The following RECQL variants were observed in gnomAD, a reference collection of about 807,000 sequenced individuals.
RECQL encodes the protein RecQ like helicase, also known as ATP-dependent DNA helicase Q1.
In RECQL, 73 loss-of-function variants were observed where a neutral mutation model predicts 75.8. The ratio of observed to expected loss-of-function variants is 0.96; its 90% CI spans 0.80 to 1.17. The LOEUF is 1.17. Ranked by LOEUF, RECQL falls within the 50% of genes most tolerant of loss-of-function variation. The pLI, the probability that RECQL is intolerant of heterozygous loss-of-function variation, is 0.00. For synonymous variants in RECQL, 248 were observed against 254.4 expected, an observed-to-expected ratio of 0.97 and a Z score of 0.24; for missense variants, 699 against 772.1, an observed-to-expected ratio of 0.91 and a Z score of 1.12.
intron 2 of RECQL, among the ~76,000 whole-genome samples, chr12:21,493,513 G>T (rs983734691): frequency 6.6e-6 from 1 of 152,090 alleles, no homozygotes; most frequent in Admixed American, 6.6e-5. Context: ...CAATATTTTG[G>T]AAAAATAGCT....
At chr12:21,486,331 G>A in intron 5 of RECQL, 148 bp downstream of exon 5, 1 of 922,974 alleles carries the variant, frequency 1.1e-6, no homozygotes, top group Non-Finnish European at 1.5e-6. Context: ...AAAATAGACA[G>A]TGGGCCAGAA....
At position 21,497,510 on chromosome 12, in the gene RECQL, C is replaced by T. The variant is rs141696722; in HGVS notation, c.16+2045G>A. Among the ~76,000 whole-genome samples the T allele has an allele frequency of 1.2e-4, 19 of 152,278 alleles. No individual in the cohort carries two copies. In the East Asian group the frequency reaches 3.7e-3, roughly 29 times the overall value. ...ATTTTGCCAGAGGAATACATCCACA[C>T]TATTATAAGCAATGGTTAATGATTG... On this transcript the variant is annotated intron_variant, in intron 2 of 14. Transcript: ENST00000444129.
At chr12:21,498,874 A>T (rs995501173) in intron 2 of RECQL, among the ~76,000 whole-genome samples, 5 of 152,258 alleles carry the variant, frequency 3.3e-5, no homozygotes, top group Admixed American at 2.0e-4. Flanking sequence ...TGACCAATTG[A>T]AAAACAAGAA....
rs1272953867 is a variant in RECQL at position 21,475,823 on chromosome 12, T to G, written c.951A>C (p.Gly317=). The G allele has an allele frequency of 1.2e-6, 2 of 1,610,084 alleles. No individual in the cohort carries two copies. The highest frequency in any genetic ancestry group is 1.7e-6 in the Non-Finnish European group (2 of 1,177,332). Residue 317 remains glycine, a splice_region_variant and synonymous_variant, in exon 9 of 15, where the codon GGA becomes GGC. Transcript: ENST00000444129. The part of the protein sequence containing the change: ...LINGRYKGQS[G]IIYCFSQKDS... ...CTTTCTGAGAAAAACAATATATGAT[T>G]CCTGCAGTAAAATATGTGCATTTGT...
At chr12:21,472,768 A>T (rs933647052) in intron 12 of RECQL, among the ~76,000 whole-genome samples, 2 of 152,120 alleles carry the variant, frequency 1.3e-5, no homozygotes, top group Non-Finnish European at 2.9e-5. Flanking sequence ...ATTTAAAAGA[A>T]TTTTAAGTAA....
intron 12 of RECQL, among the ~76,000 whole-genome samples, 159 bp from the exon 13 acceptor site, chr12:21,471,806 C>T (rs1253107573): frequency 1.3e-5 from 2 of 151,712 alleles, no homozygotes; most frequent in East Asian, 3.9e-4. Flanking sequence ...TAGGCTATTC[C>T]TCAAGTCTCT....
chr12:21,476,921 T>G lies in RECQL; in HGVS notation c.939A>C (p.Lys313Asn). ...TTGTTTTTACATTACCTGATTGCCC[T>G]TTGTATCTCCCATTAATGAGCTTTA... ...DIVKLINGRY[K>N]GQSGIIYCFS... The change falls in exon 8 of 15, where the codon AAA becomes AAC. Residue 313 changes from lysine to asparagine, a missense_variant. Lys to Asn is a moderately conservative substitution (Grantham distance 94). This residue lies in a region of RECQL where 669 missense variants were observed against 713.5 expected (regional missense o/e 0.94). Transcript: ENST00000444129. The G allele has an allele frequency of 6.2e-7, 1 of 1,607,094 alleles. No individual in the cohort carries two copies. Among genetic ancestry groups the G allele is most frequent in the Admixed American group, 1.7e-5 (1 of 59,236 alleles).
At chr12:21,476,000 A>C (rs1943081068) in intron 8 of RECQL, among the ~76,000 whole-genome samples, 176 bp from the exon 9 acceptor site, 1 of 152,020 alleles carries the variant, frequency 6.6e-6, no homozygotes, top group African/African-American at 2.4e-5. Context: ...AGATTTGAGC[A>C]CCAGCTTCCT....
In RECQL at chr12:21,486,319, C is replaced by T. The variant is rs111292812; in HGVS notation, c.501+160G>A. ...AACCATTCTTAACTCATGGGACATA[C>T]AAAAATAGACAGTGGGCCAGAACTG... On this transcript the variant is annotated intron_variant, in intron 5 of 14. Transcript: ENST00000444129. Among the ~76,000 whole-genome samples the T allele has an allele frequency of 1.2e-3, 175 of 151,842 alleles. 1 individual carries two copies. Among genetic ancestry groups the T allele is most frequent in the African/African-American group, 4.0e-3 (164 of 41,406 alleles).
At chr12:21,475,959 T>G in intron 8 of RECQL, 135 bp from the exon 9 acceptor site, 275 of 608,056 alleles carry the variant, frequency 4.5e-4, no homozygotes, top group Non-Finnish European at 4.9e-4. Flanking sequence ...TTCAAGGCCT[T>G]GTGCATATAT....
intron 12 of RECQL, among the ~76,000 whole-genome samples, chr12:21,472,301 A>G (rs1178721943): frequency 6.6e-6 from 1 of 152,032 alleles, no homozygotes; most frequent in Non-Finnish European, 1.5e-5. Flanking sequence ...ATTGGGACTC[A>G]GCCCAGGAGG....
intron 6 of RECQL, among the ~76,000 whole-genome samples, chr12:21,479,234 T>C (rs1163759727): frequency 6.6e-6 from 1 of 152,206 alleles, no homozygotes; most frequent in African/African-American, 2.4e-5. Context: ...CTTCTCTGCC[T>C]GAACCCTGAC....
At chr12:21,479,946 C>A (rs1943161487) in intron 6 of RECQL, among the ~76,000 whole-genome samples, 1 of 152,156 alleles carries the variant, frequency 6.6e-6, no homozygotes, top group African/African-American at 2.4e-5. Context: ...ATGTTGAACA[C>A]CTTTTTAATT....
At chr12:21,495,403 T>A (rs1943487009) in intron 2 of RECQL, among the ~76,000 whole-genome samples, 1 of 152,180 alleles carries the variant, frequency 6.6e-6, no homozygotes, top group Non-Finnish European at 1.5e-5. Flanking sequence ...GAGACCATCC[T>A]GGCTAACATG....
At chr12:21,489,678 G>A (rs564648613) in intron 4 of RECQL, among the ~76,000 whole-genome samples, 1 of 152,100 alleles carries the variant, frequency 6.6e-6, no homozygotes, top group Non-Finnish European at 1.5e-5. Flanking sequence ...ACATTTTTGG[G>A]TTTTTTTGCC....
At chr12:21,486,687 T>TAG in intron 4 of RECQL, 102 bp from the exon 5 acceptor site, 1 of 737,732 alleles carries the variant, frequency 1.4e-6, no homozygotes, top group Non-Finnish European at 2.0e-6. Flanking sequence ...TTTTTTTTTT[T>TAG]AGAGATGGAG....
intron 1 of RECQL, 108 bp from the exon 2 acceptor site, chr12:21,499,723 T>C: frequency 1.7e-6 from 1 of 578,356 alleles, no homozygotes; most frequent in Non-Finnish European, 3.0e-6. Flanking sequence ...TGTTAGAAAG[T>C]AAATTATATA....
Position 21,475,812 on chromosome 12 carries a change from CAA to C in RECQL, c.960_961del (p.Tyr320Ter). 1 of 1,611,650 alleles carries C rather than the reference CAA, an allele frequency of 6.2e-7. No individual in the cohort carries two copies. Among genetic ancestry groups the C allele is most frequent in the Non-Finnish European group, 8.5e-7 (1 of 1,178,402 alleles). On this transcript the variant is annotated stop_gained and frameshift_variant, in exon 9 of 15. Coordinates refer to ENST00000444129, the MANE Select transcript of RECQL (RefSeq NM_002907.4). LOFTEE classifies it high-confidence loss of function. The stretch of plus-strand genomic sequence containing the variant: ...TTGTTCAGAGTCTTTCTGAGAAAAA[CAA>C]TATATGATTCCTGCAGTAAAATATG...
chr12:21,474,838 T>C lies in RECQL; in HGVS notation c.1355+3A>G. 1.9e-6 allele frequency: 3 copies of C among 1,612,038 alleles called. No homozygotes were observed. The highest frequency in any genetic ancestry group is 2.5e-6 in the Non-Finnish European group (3 of 1,178,526). On this transcript the variant is annotated splice_donor_region_variant and intron_variant, in intron 11 of 14. Coordinates refer to ENST00000444129, the MANE Select transcript of RECQL (RefSeq NM_002907.4). ...AAAAGTTATAAAAAGGTATGTGGCT[T>C]ACTTGCTTATGTTTTGACAGTATGA... is the stretch of plus-strand genomic sequence containing the variant.
Sources: gnomAD v4.1 joint callset for allele counts (sites outside exome capture counted in the v4.1 genomes callset) on GRCh38, gnomAD v4.1.1 for gene constraint, gnomAD v4.1.1 regional missense constraint, MANE v1.5 for transcripts, NCBI Gene and HGNC (gene_info 2026-07-23, HGNC 2026-07-21) for gene names.